Variants in TMEM232 observed in about 807,000 individuals in gnomAD.
The protein encoded by TMEM232 is transmembrane protein 232.
Under a neutral mutation model 78.8 loss-of-function variants are expected in TMEM232, and 80 were observed. The ratio of observed to expected loss-of-function variants is 1.01; its 90% confidence interval spans 0.85 to 1.22. The LOEUF (loss-of-function observed/expected upper bound fraction) is 1.22. Ranked by LOEUF, TMEM232 falls within the 50% of genes most tolerant of loss-of-function variation. The probability of loss-of-function intolerance (pLI) is 0.00; values close to 1 mark genes in which losing one functional copy is unlikely to be tolerated. For synonymous variants in TMEM232, 297 were observed against 254.3 expected (o/e 1.17, Z -1.60); for missense variants, 881 against 742.2 (o/e 1.19, Z -2.17).
rs948383997 is a variant in TMEM232 at position 110,449,723 on chromosome 5, C to T, written c.1704-24807G>A. On this transcript the variant is annotated intron_variant, in intron 12 of 13. Coordinates refer to ENST00000455884, the MANE Select transcript of TMEM232 (RefSeq NM_001039763.4). Reference sequence around the variant, plus strand: ...TAAATTAATAACTATGGAGCACCTACTGTATACTCGGTTCTGTATCAGATT... The same window carrying T: ...TAAATTAATAACTATGGAGCACCTATTGTATACTCGGTTCTGTATCAGATT... Among the ~76,000 whole-genome samples the T allele has an allele frequency of 2.0e-5, 3 of 152,128 alleles. No homozygotes were observed. The South Asian group carries it at 6.2e-4, about 32-fold the overall frequency.
At chr5:110,450,550 G>T (rs573025462) in intron 12 of TMEM232, among the ~76,000 whole-genome samples, 42 of 152,118 alleles carry the variant, frequency 2.8e-4, no homozygotes, top group African/African-American at 9.9e-4. Context: ...CCTGTTGCAG[G>T]TTTAGCACGA....
intron 10 of TMEM232, among the ~76,000 whole-genome samples, chr5:110,586,365 G>C (rs1778817615): frequency 1.3e-5 from 2 of 151,926 alleles, no homozygotes; most frequent in African/African-American, 4.8e-5. Context: ...TAAAGGTACT[G>C]TGCTCTATTT....
intron 1 of TMEM232, among the ~76,000 whole-genome samples, chr5:110,716,156 G>C (rs937421479): frequency 1.3e-5 from 2 of 151,982 alleles, no homozygotes; most frequent in Non-Finnish European, 2.9e-5. Flanking sequence ...GGTCTCCTGA[G>C]GACTGTGTCA....
rs553127601 is a variant in TMEM232, at chr5:110,605,300, G to A, written c.1085C>T (p.Thr362Ile). Residue 362 changes from threonine to isoleucine, a missense_variant, in exon 10 of 14, where the codon ACA becomes ATA. Coordinates refer to ENST00000455884, the MANE Select transcript of TMEM232 (RefSeq NM_001039763.4). ...CAAGCAGATTTCTGCAAGAATTACT[G>A]TATATATGTAGACTACATTCCAGGC... The part of the protein sequence containing the change: ...SWAWNVVYIY[T>I]VILAEICLYA... The A allele has an allele frequency of 6.4e-7, 1 of 1,551,306 alleles. No individual in the cohort carries two copies. Among genetic ancestry groups the A allele is most frequent in the East Asian group, 2.5e-5 (1 of 40,804 alleles).
chr5:110,484,740 A>G, intron 12 of TMEM232, among the ~76,000 whole-genome samples: 1 of 152,088 alleles, frequency 6.6e-6, no homozygotes, highest in East Asian at 1.9e-4. Context: ...AAAGTGGTGA[A>G]CTCGTCAATA....
chr5:110,663,739 GTGTGTA>G (rs1247304939), intron 2 of TMEM232, among the ~76,000 whole-genome samples: 4 of 126,100 alleles, frequency 3.2e-5, no homozygotes, highest in African/African-American at 1.2e-4. Context: ...ATGTGTGTGT[GTGTGTA>G]TGTGTGTGTG....
intron 12 of TMEM232, among the ~76,000 whole-genome samples, chr5:110,511,433 A>G (rs974373812): frequency 6.6e-6 from 1 of 152,012 alleles, no homozygotes; most frequent in African/African-American, 2.4e-5. Context: ...CCCAGAACTT[A>G]AAGTATAATT....
intron 12 of TMEM232, among the ~76,000 whole-genome samples, chr5:110,465,640 G>C (rs139947482): frequency 3.9e-5 from 6 of 152,188 alleles, no homozygotes; most frequent in South Asian, 4.2e-4. Flanking sequence ...AACACATATA[G>C]ACAACTAATC....
chr5:110,431,578 C>T (rs1287579737), intron 12 of TMEM232, among the ~76,000 whole-genome samples: 1 of 151,614 alleles, frequency 6.6e-6, no homozygotes, highest in Non-Finnish European at 1.5e-5. Flanking sequence ...GCAAATCTCA[C>T]ACACAGAAGG....
downstream of TMEM232, among the ~76,000 whole-genome samples, chr5:110,418,878 A>G (rs943793062): frequency 2.6e-5 from 4 of 152,196 alleles, no homozygotes; most frequent in Non-Finnish European, 5.9e-5. Flanking sequence ...AGTAGCAGTT[A>G]GATCTCCAGA....
intron 10 of TMEM232, 71 bp from the exon 11 acceptor site, chr5:110,568,696 A>G (rs1776604700): frequency 7.3e-7 from 1 of 1,375,590 alleles, no homozygotes; most frequent in Non-Finnish European, 9.7e-7. Context: ...TGTGTGAAAC[A>G]GAATAAACCA....
intron 11 of TMEM232, among the ~76,000 whole-genome samples, chr5:110,538,264 T>C (rs1255698664): frequency 6.6e-6 from 1 of 152,142 alleles, no homozygotes; most frequent in South Asian, 2.1e-4. Context: ...CAGCATTTCA[T>C]TAGCCAATCC....
At chr5:110,468,259 G>GAAAA (rs1355402595) in intron 12 of TMEM232, among the ~76,000 whole-genome samples, 2 of 151,784 alleles carry the variant, frequency 1.3e-5, no homozygotes, top group Non-Finnish European at 2.9e-5. Flanking sequence ...TCTTCCCAGT[G>GAAAA]AAAATAAATA....
intron 11 of TMEM232, among the ~76,000 whole-genome samples, chr5:110,558,194 T>C (rs1258722660): frequency 6.6e-6 from 1 of 152,134 alleles, no homozygotes; most frequent in Non-Finnish European, 1.5e-5. Context: ...TGGTTTGGTC[T>C]GCTGGCAACA....
At chr5:110,616,597 A>G (rs1412062072) in intron 8 of TMEM232, among the ~76,000 whole-genome samples, 8 of 152,062 alleles carry the variant, frequency 5.3e-5, no homozygotes, top group Non-Finnish European at 1.0e-4. Context: ...AACTGAAACA[A>G]CTTAATAACA....
intron 11 of TMEM232, among the ~76,000 whole-genome samples, chr5:110,534,873 G>C (rs1186957243): frequency 6.6e-6 from 1 of 151,868 alleles, no homozygotes; most frequent in African/African-American, 2.4e-5. Context: ...CCATATCCAG[G>C]CCATCACCAA....
rs1781260957 is a variant in TMEM232, at chr5:110,604,067, T to A, written c.1276+1042A>T. On this transcript the variant is annotated intron_variant, in intron 10 of 13. Coordinates refer to ENST00000455884, the MANE Select transcript of TMEM232 (RefSeq NM_001039763.4). ...TTATAAATCCACTATCATAATTGCT[T>A]ACCTATTATGTATTATTATGCTAGA... 2.6e-5 allele frequency among the ~76,000 whole-genome samples: 4 copies of A among 152,304 alleles called. No individual in the cohort carries two copies. In the South Asian group the frequency reaches 8.3e-4, roughly 32 times the overall value.
chr5:110,505,792 G>A (rs921799661), intron 12 of TMEM232, among the ~76,000 whole-genome samples: 2 of 152,150 alleles, frequency 1.3e-5, no homozygotes, highest in African/African-American at 4.8e-5. Context: ...TTACAGGCGT[G>A]AGCCACTGTG....
At chr5:110,610,230 A>AG (rs1561380927) in intron 8 of TMEM232, among the ~76,000 whole-genome samples, 1 of 6,060 alleles carries the variant, frequency 1.7e-4, no homozygotes, top group African/African-American at 3.3e-4. Context: ...GAGGGAGGGA[A>AG]AAAGAAAGGA....
Sources: gnomAD v4.1 joint callset for allele counts (sites outside exome capture counted in the v4.1 genomes callset) on GRCh38, gnomAD v4.1.1 for gene constraint, MANE v1.5 for transcripts, NCBI Gene and HGNC (gene_info 2026-07-23, HGNC 2026-07-21) for gene names.